ZFP82: variants seen among roughly 807,000 people sequenced by gnomAD.
The protein encoded by ZFP82 is zinc finger protein 82 homolog.
In ZFP82, 30 loss-of-function variants were observed where a neutral mutation model predicts 54.0. That is an observed-to-expected ratio of 0.56 (90% CI 0.42 to 0.75). The LOEUF (loss-of-function observed/expected upper bound fraction) is 0.75, where lower values mean the gene tolerates loss of function less well. Among genes scored for constraint, ZFP82 ranks in the 30% least tolerant of loss-of-function variants. The pLI is 0.00. For missense variants in ZFP82, 500 were observed against 636.8 expected (o/e 0.79, Z 2.31); for synonymous variants, 194 against 209.5 (o/e 0.93, Z 0.64).
rs530151988 is a variant in ZFP82, at chr19:36,396,702, C to A, written c.230-2592G>T. Among the ~76,000 whole-genome samples, 383 of 151,754 alleles carry A rather than the reference C, an allele frequency of 2.5e-3. 2 individuals carry two copies. The highest frequency in any genetic ancestry group is 0.016 in the South Asian group (75 of 4,810). ...TAAAGTAATTAAAAAATTAGCTGGG[C>A]ATGGTAGTGTGTGCTATAGTCCCAG... On this transcript the variant is annotated intron_variant, in intron 4 of 4. Transcript: ENST00000392161.
intron 2 of ZFP82, 90 bp downstream of exon 2, chr19:36,409,691 T>C: frequency 7.1e-7 from 1 of 1,407,418 alleles, no homozygotes; most frequent in Non-Finnish European, 1.0e-6. Flanking sequence ...GGTTCTTGGA[T>C]GGAGCTCTGA....
At chr19:36,399,865 A>C (rs976686383) in intron 4 of ZFP82, among the ~76,000 whole-genome samples, 1 of 152,216 alleles carries the variant, frequency 6.6e-6, no homozygotes, top group Non-Finnish European at 1.5e-5. Context: ...TCATACTGCA[A>C]GTTTGGTTCC....
chr19:36,402,002 G>GA (rs959177260), intron 4 of ZFP82, among the ~76,000 whole-genome samples: 12 of 151,808 alleles, frequency 7.9e-5, no homozygotes, highest in African/African-American at 2.4e-4. Flanking sequence ...AGAAAAGAAA[G>GA]AAAAAAAATA....
intron 1 of ZFP82, among the ~76,000 whole-genome samples, chr19:36,418,243 C>T (rs1021359363): frequency 6.6e-6 from 1 of 151,872 alleles, no homozygotes; most frequent in African/African-American, 2.4e-5. Flanking sequence ...TGCTGGGAGT[C>T]TTTGGCGTGC....
rs34929021 is a variant in ZFP82 at position 36,389,043 on chromosome 19, CT to C, written c.*3697del. 0.65 allele frequency among the ~76,000 whole-genome samples: 86,791 copies of C among 134,406 alleles called. 27,189 individuals carry two copies. Among genetic ancestry groups the C allele is most frequent in the African/African-American group, 0.72 (25,627 of 35,640 alleles). 88.2% of individuals were successfully genotyped at this position (134,406 alleles called of 152,430 possible). A position where few individuals can be genotyped will look rare whatever the true frequency, so the allele number is the denominator to read the frequency against. ...TACAATTTCAGACTTGATTTTCTTTCTTTTTTTTTTTTTTTGAGATGGAGTC... is the reference window on the plus strand; with the variant it reads ...TACAATTTCAGACTTGATTTTCTTTCTTTTTTTTTTTTTTGAGATGGAGTC... On this transcript the variant is annotated 3_prime_UTR_variant, in exon 5 of 5. Transcript: ENST00000392161.
downstream of ZFP82, among the ~76,000 whole-genome samples, chr19:36,385,475 G>C (rs187966922): frequency 5.1e-4 from 78 of 152,324 alleles, no homozygotes; most frequent in African/African-American, 1.6e-3. Context: ...GTGTGGAAGT[G>C]GCTTTGGAAC....
rs140263107 is a variant in ZFP82 at position 36,392,770 on chromosome 19, G to A, written c.1570C>T (p.His524Tyr). Residue 524 changes from histidine to tyrosine, a missense_variant, in exon 5 of 5, where the codon CAT becomes TAT. Physicochemically the swap from His to Tyr is moderately conservative, Grantham distance 83. Transcript: ENST00000392161. ...AFRQHSHLTH[H>Y]LKIHNVKI Reference sequence around the variant, plus strand: ...ATTTTTACATTATGAATTTTCAGATGATGAGTAAGGTGTGAATGTTGCCTA... The same window carrying A: ...ATTTTTACATTATGAATTTTCAGATAATGAGTAAGGTGTGAATGTTGCCTA... 2 of 1,569,486 alleles carry A rather than the reference G, an allele frequency of 1.3e-6. No homozygotes were observed. Among genetic ancestry groups the A allele is most frequent in the African/African-American group, 2.7e-5 (2 of 72,772 alleles).
At position 36,389,307 on chromosome 19, in the gene ZFP82, C is replaced by T. The variant is rs549736096; in HGVS notation, c.*3434G>A. Among the ~76,000 whole-genome samples the T allele has an allele frequency of 8.6e-5, 13 of 152,044 alleles. No individual in the cohort carries two copies. Among genetic ancestry groups the T allele is most frequent in the Non-Finnish European group, 1.6e-4 (11 of 67,992 alleles). The stretch of plus-strand genomic sequence containing the variant: ...CCCACCTTGGCCTCCCAAAGTACTG[C>T]GATTACAGGCATGAGCCACCACGCC... On this transcript the variant is annotated 3_prime_UTR_variant, in exon 5 of 5. Coordinates refer to ENST00000392161, the MANE Select transcript of ZFP82 (RefSeq NM_133466.4).
At chr19:36,407,075 T>C (rs2032494396) in intron 3 of ZFP82, among the ~76,000 whole-genome samples, 2 of 17,534 alleles carry the variant, frequency 1.1e-4, no homozygotes, top group African/African-American at 6.4e-4. Flanking sequence ...TTTAATTTTC[T>C]TTTTTTTTTT....
chr19:36,412,176 C>G (rs2032593598), intron 1 of ZFP82, among the ~76,000 whole-genome samples: 1 of 151,988 alleles, frequency 6.6e-6, no homozygotes, highest in South Asian at 2.1e-4. Flanking sequence ...TATATAATCT[C>G]TTAGAAAAAT....
At chr19:36,405,506 T>A in intron 4 of ZFP82, 74 bp downstream of exon 4, 2 of 1,144,778 alleles carry the variant, frequency 1.7e-6, no homozygotes, top group Non-Finnish European at 2.5e-6. Context: ...CTAAACAACA[T>A]AAGGATGTGT....
At chr19:36,408,349 A>T (rs1017439210) in intron 2 of ZFP82, among the ~76,000 whole-genome samples, 2 of 152,208 alleles carry the variant, frequency 1.3e-5, no homozygotes, top group Non-Finnish European at 2.9e-5. Context: ...ATCAATTCCC[A>T]AGGAAGGTGA....
rs576030219 is a variant in ZFP82 at position 36,388,783 on chromosome 19, C to T, written c.*3958G>A. On this transcript the variant is annotated 3_prime_UTR_variant, in exon 5 of 5. Coordinates refer to ENST00000392161, the MANE Select transcript of ZFP82 (RefSeq NM_133466.4). ...CATATAAACTACTTGCTGTTATTCA[C>T]CTTAGTTTTTAAAAATTTCTAGCTT... Among the ~76,000 whole-genome samples, 18 of 152,210 alleles carry T rather than the reference C, an allele frequency of 1.2e-4. No homozygotes were observed. Among genetic ancestry groups the T allele is most frequent in the African/African-American group, 3.9e-4 (16 of 41,526 alleles).
In ZFP82 at chr19:36,393,967, C is replaced by T; in HGVS notation, c.373G>A (p.Gly125Arg). Residue 125 changes from glycine (G) to arginine (R), a missense_variant, in exon 5 of 5, where the codon GGA (glycine) becomes AGA (arginine). Coordinates refer to ENST00000392161, the MANE Select transcript of ZFP82 (RefSeq NM_133466.4). ...LILKNDWEST[G>R]KIEGQERPQE... ...GGTCTCTCCTGTCCTTCAATTTTTC[C>T]TGTGGATTCCCAATCATTTTTTAAA... is the stretch of plus-strand genomic sequence containing the variant. 6.2e-7 allele frequency: 1 copy of T among 1,613,700 alleles called. No individual in the cohort carries two copies. Among genetic ancestry groups the T allele is most frequent in the Non-Finnish European group, 8.5e-7 (1 of 1,179,880 alleles).
downstream of ZFP82, among the ~76,000 whole-genome samples, chr19:36,385,180 AC>A (rs1188223674): frequency 3.9e-5 from 6 of 152,208 alleles, no homozygotes; most frequent in Middle Eastern, 3.4e-3. Flanking sequence ...GTTTGTTATC[AC>A]GTGAGTGGGT....
intron 4 of ZFP82, among the ~76,000 whole-genome samples, chr19:36,398,717 CCT>C (rs1204347397): frequency 7.2e-5 from 11 of 152,186 alleles, no homozygotes; most frequent in African/African-American, 2.6e-4. Flanking sequence ...ACAGCGTCAC[CCT>C]CTGTCACCAC....
rs1178642860 is a variant in ZFP82, at chr19:36,404,647, G to A, written c.229+933C>T. On this transcript the variant is annotated intron_variant, in intron 4 of 4. Transcript: ENST00000392161. ...TGTTAACCTAATATGCATGTGCACAGTCTCTTTCCTGAGTATTCATAGCTC... is the reference window on the plus strand; with the variant it reads ...TGTTAACCTAATATGCATGTGCACAATCTCTTTCCTGAGTATTCATAGCTC... 2.0e-5 allele frequency among the ~76,000 whole-genome samples: 3 copies of A among 152,308 alleles called. 1 individual carries two copies. Among genetic ancestry groups the A allele is most frequent in the Admixed American group, 1.3e-4 (2 of 15,298 alleles).
intron 4 of ZFP82, chr19:36,395,690 A>C (rs778141873): frequency 6.6e-6 from 1 of 152,164 alleles, no homozygotes; most frequent in Non-Finnish European, 1.5e-5. Context: ...GGTGGTCTCT[A>C]TTAAAAAGCT....
At chr19:36,406,614 CCA>C (rs1288480803) in intron 3 of ZFP82, among the ~76,000 whole-genome samples, 2 of 152,158 alleles carry the variant, frequency 1.3e-5, no homozygotes, top group African/African-American at 4.8e-5. Context: ...TATGACTATG[CCA>C]CATTTTATTT....
Sources: allele counts gnomAD v4.1 joint callset (sites outside exome capture counted in the v4.1 genomes callset), GRCh38; gene constraint gnomAD v4.1.1; transcripts MANE v1.5; gene names NCBI Gene and HGNC (gene_info 2026-07-23, HGNC 2026-07-21).